SPATA22: variants seen among roughly 807,000 people sequenced by gnomAD.
The protein encoded by SPATA22 is spermatogenesis associated 22, also known as spermatogenesis-associated protein 22.
A neutral mutation model predicts 47.8 loss-of-function variants in SPATA22; 29 were observed. That is an observed-to-expected ratio of 0.61 (90% confidence interval 0.45 to 0.83). SPATA22 has a LOEUF of 0.83. Among genes scored for constraint, SPATA22 ranks in the 40% least tolerant of loss-of-function variants. The pLI, the probability that SPATA22 is intolerant of heterozygous loss-of-function variation, is 0.00. For synonymous variants in SPATA22, 133 were observed against 140.9 expected, an observed-to-expected ratio of 0.94 and a Z score of 0.40; for missense variants, 410 against 421.7, an observed-to-expected ratio of 0.97 and a Z score of 0.24.
intron 1 of SPATA22, among the ~76,000 whole-genome samples, chr17:3,496,810 T>C (rs993658331): frequency 6.6e-6 from 1 of 152,214 alleles, no homozygotes; most frequent in Non-Finnish European, 1.5e-5. Flanking sequence ...CTCACGCCTG[T>C]AATCCCAGCG....
intron 1 of SPATA22, among the ~76,000 whole-genome samples, chr17:3,482,500 G>A (rs980858029): frequency 1.3e-5 from 2 of 152,160 alleles, no homozygotes; most frequent in Non-Finnish European, 2.9e-5. Flanking sequence ...AGGAAAGAGT[G>A]TGGCCTGTGC....
At chr17:3,508,336 GT>G (rs2074061674) in intron 1 of SPATA22, among the ~76,000 whole-genome samples, 1 of 151,546 alleles carries the variant, frequency 6.6e-6, no homozygotes, top group African/African-American at 2.4e-5. Context: ...GTGGAAGTCA[GT>G]GTGGCGATTC....
chr17:3,452,685 A>G (rs1015287385), intron 5 of SPATA22, among the ~76,000 whole-genome samples: 1 of 152,136 alleles, frequency 6.6e-6, no homozygotes, highest in South Asian at 2.1e-4. Context: ...AAGAAGATTT[A>G]AATAAATGAA....
rs116038215 is a variant in SPATA22 at position 3,479,635 on chromosome 17, C to G, written c.-73-10237G>C. Among the ~76,000 whole-genome samples, 549 of 152,066 alleles carry G rather than the reference C, an allele frequency of 3.6e-3. 5 individuals are homozygous for G. The highest frequency in any genetic ancestry group is 0.012 in the African/African-American group (501 of 41,474). On this transcript the variant is annotated intron_variant, in intron 1 of 8. Transcript: ENST00000541913. ...TCAACGTGGCCCTTTCCACCTTCCC[C>G]CTGCACCGACTCGACGTGGTCCCTT...
intron 5 of SPATA22, among the ~76,000 whole-genome samples, chr17:3,451,950 TAAAAAAAAA>T (rs1322872514): frequency 7.9e-6 from 1 of 126,628 alleles, no homozygotes; most frequent in African/African-American, 2.9e-5. Context: ...CTGTCTCAAT[TAAAAAAAAA>T]AAAAAGAAAA....
intron 1 of SPATA22, among the ~76,000 whole-genome samples, chr17:3,479,721 G>A (rs907346845): frequency 6.6e-6 from 1 of 152,060 alleles, no homozygotes; most frequent in Admixed American, 6.6e-5. Flanking sequence ...TTGCTTCAAA[G>A]TCACAAAATA....
At chr17:3,480,338 G>A (rs1042945132) in intron 1 of SPATA22, among the ~76,000 whole-genome samples, 15 of 152,222 alleles carry the variant, frequency 9.9e-5, no homozygotes, top group African/African-American at 1.4e-4. Context: ...CAGTCTCCCC[G>A]AAAATTCAGA....
intron 5 of SPATA22, among the ~76,000 whole-genome samples, chr17:3,455,492 C>T (rs1268838820): frequency 6.8e-6 from 1 of 146,028 alleles, no homozygotes; most frequent in African/African-American, 2.5e-5. Context: ...AGGAAGGGAT[C>T]CAGTTTCAGC....
intron 5 of SPATA22, among the ~76,000 whole-genome samples, chr17:3,459,575 T>G (rs375746780): frequency 1.3e-5 from 2 of 152,234 alleles, no homozygotes; most frequent in African/African-American, 2.4e-5. Flanking sequence ...CTGGCTAATT[T>G]TTGTATTTAT....
intron 3 of SPATA22, among the ~76,000 whole-genome samples, chr17:3,464,462 C>A (rs2073223684): frequency 7.1e-6 from 1 of 140,858 alleles, no homozygotes; most frequent in African/African-American, 2.6e-5. Context: ...TGTGAGGAGC[C>A]CCTCTGCCTG....
At chr17:3,508,442 C>T (rs1158156350) in intron 1 of SPATA22, among the ~76,000 whole-genome samples, 1 of 151,522 alleles carries the variant, frequency 6.6e-6, no homozygotes, top group Admixed American at 6.6e-5. Flanking sequence ...TATAAAGACA[C>T]ATGCACACGT....
intron 1 of SPATA22, among the ~76,000 whole-genome samples, chr17:3,494,073 G>A (rs1254199688): frequency 7.4e-6 from 1 of 135,948 alleles, no homozygotes; most frequent in Non-Finnish European, 1.6e-5. Context: ...TTTCACTCTT[G>A]TTGCCCAGGT....
At chr17:3,463,430 T>C (rs956684710) in intron 3 of SPATA22, among the ~76,000 whole-genome samples, 3 of 152,224 alleles carry the variant, frequency 2.0e-5, no homozygotes, top group African/African-American at 4.8e-5. Flanking sequence ...TGTAACATAA[T>C]AGTATTTGTG....
chr17:3,483,561 G>A (rs1223590231), intron 1 of SPATA22: 5 of 1,613,788 alleles, frequency 3.1e-6, no homozygotes, highest in East Asian at 4.5e-5. Flanking sequence ...TCAAATATGC[G>A]ACCACTCGTT....
At chr17:3,500,731 C>G (rs2073979880) in intron 1 of SPATA22, 1 of 152,008 alleles carries the variant, frequency 6.6e-6, no homozygotes, top group African/African-American at 2.4e-5. Context: ...GTCTCGATCT[C>G]CTGACCTCAT....
In SPATA22 at chr17:3,449,048, T is replaced by A; in HGVS notation, c.431A>T (p.Asn144Ile). The part of the protein sequence containing the change: ...RTNLVANDGK[N>I]SCPVSSGAQQ... ...AGCTCCCGAACTCACTGGACAAGAA[T>A]TTTTTCCATCATTTGCCACTAAGTT... Residue 144 changes from asparagine to isoleucine, a missense_variant, in exon 6 of 9, where the codon AAT (asparagine) becomes ATT (isoleucine). By Grantham distance (149) the Asn-to-Ile change is moderately radical (BLOSUM62 -3). Transcript: ENST00000572969. 1 of 1,613,918 alleles carries A rather than the reference T, an allele frequency of 6.2e-7. No individual in the cohort carries two copies. The highest frequency in any genetic ancestry group is 8.5e-7 in the Non-Finnish European group (1 of 1,179,880).
rs975778330 is a variant in SPATA22, at chr17:3,508,254, G to A, written c.-74+5158C>T. Among the ~76,000 whole-genome samples, 7 of 151,294 alleles carry A rather than the reference G, an allele frequency of 4.6e-5. No individual in the cohort carries two copies. The South Asian group carries it at 1.3e-3, about 27-fold the overall frequency. ...TCATTAAAAAGTCAGGAAACAACAG[G>A]TGCTGGAGAGGATGTGGAGAAATAG... is the stretch of plus-strand genomic sequence containing the variant. On this transcript the variant is annotated intron_variant, in intron 1 of 8. Coordinates refer to the SPATA22 transcript ENST00000541913.
intron 2 of SPATA22, among the ~76,000 whole-genome samples, chr17:3,469,051 C>A (rs192807431): frequency 3.7e-4 from 57 of 152,196 alleles, no homozygotes; most frequent in African/African-American, 1.3e-3. Flanking sequence ...TCAAGCACAT[C>A]GAATTTGTAG....
At chr17:3,465,501 A>G (rs1330144970) in intron 3 of SPATA22, among the ~76,000 whole-genome samples, 1 of 151,984 alleles carries the variant, frequency 6.6e-6, no homozygotes, top group Admixed American at 6.5e-5. Flanking sequence ...TGCTCTCTCA[A>G]ACATGTGCTG....
Sources: gnomAD v4.1 joint callset for allele counts (sites outside exome capture counted in the v4.1 genomes callset) on GRCh38, gnomAD v4.1.1 for gene constraint, MANE v1.5 for transcripts, NCBI Gene and HGNC (gene_info 2026-07-23, HGNC 2026-07-21) for gene names.